Variants in SPHK1 observed in about 807,000 individuals in gnomAD.
The protein encoded by SPHK1 is SK 1.
A neutral mutation model predicts 14.6 loss-of-function variants in SPHK1; 10 were observed. That is an observed-to-expected ratio of 0.68 (90% confidence interval 0.42 to 1.16). SPHK1 has a LOEUF of 1.16. SPHK1 is among the 50% of genes most tolerant of loss of function. The pLI is 0.00. For synonymous variants in SPHK1, 274 were observed against 224.0 expected, an observed-to-expected ratio of 1.22 and a Z score of -1.99; for missense variants, 553 against 525.4, an observed-to-expected ratio of 1.05 and a Z score of -0.51.
At position 76,387,103 on chromosome 17, in the gene SPHK1, C is replaced by T; in HGVS notation, c.672C>T (p.Ala224=). The change falls in exon 6 of 6, where the codon GCC becomes GCT. Residue 224 remains alanine (A), a synonymous_variant. Transcript: ENST00000592299. This position sits in a 1 kb window ranked among gnomAD's most constrained non-coding sequence, Gnocchi z 4.1. ...GAAGAGTGGGTTCCAAGACACCTGC[C>T]TCCCCCGTTGTGGTCCAGCAGGGCC... ...PVGRVGSKTP[A]SPVVVQQGPV... The T allele has an allele frequency of 6.2e-7, 1 of 1,613,332 alleles. No individual in the cohort carries two copies. The highest frequency in any genetic ancestry group is 8.5e-7 in the Non-Finnish European group (1 of 1,180,038).
Position 76,387,520 on chromosome 17 carries a change from C to A in SPHK1, c.1089C>A (p.Ser363Arg). 1 of 1,611,448 alleles carries A rather than the reference C, an allele frequency of 6.2e-7. No individual in the cohort carries two copies. Among genetic ancestry groups the A allele is most frequent in the African/African-American group, 1.3e-5 (1 of 74,922 alleles). ...ACCCAAACTACTTCTGGATGGTCAG[C>A]GGTTGCGTGGAGCCCCCGCCCAGCT... Reference protein sequence around the residue: ...QVHPNYFWMVSGCVEPPPSWK... With the variant: ...QVHPNYFWMVRGCVEPPPSWK... The change falls in exon 6 of 6, where the codon AGC (serine) becomes AGA (arginine). Residue 363 changes from serine to arginine, a missense_variant. Ser to Arg is a moderately radical substitution (Grantham distance 110, BLOSUM62 -1). Coordinates refer to ENST00000592299, the MANE Select transcript of SPHK1 (RefSeq NM_001142601.2). The surrounding 1 kb of genome is among the most constrained non-coding windows in gnomAD (Gnocchi z 4.1).
In SPHK1 at chr17:76,386,488, T is replaced by C. The variant is rs772416030; in HGVS notation, c.354T>C (p.Ala118=). 4.8e-5 allele frequency: 78 copies of C among 1,612,428 alleles called. No individual in the cohort carries two copies. In the African/African-American group the frequency reaches 9.6e-4, roughly 20 times the overall value. ...CAGGCTCTGGCAACGCGCTGGCAGCTTCCTTGAACCATTATGCTGGGTGAG... is the reference window on the plus strand; with the variant it reads ...CAGGCTCTGGCAACGCGCTGGCAGCCTCCTTGAACCATTATGCTGGGTGAG... ...LPAGSGNALA[A]SLNHYAGYEQ... is the part of the protein sequence containing the mutation. The change falls in exon 5 of 6, where the codon GCT becomes GCC. Residue 118 remains alanine, a synonymous_variant. Coordinates refer to ENST00000592299, the MANE Select transcript of SPHK1 (RefSeq NM_001142601.2). This position sits in a 1 kb window ranked among gnomAD's most constrained non-coding sequence, Gnocchi z 5.3.
chr17:76,386,599 A>G lies in SPHK1; in HGVS notation c.374+91A>G. On this transcript the variant is annotated intron_variant, in intron 5 of 5. Transcript: ENST00000592299. This position sits in a 1 kb window ranked among gnomAD's most constrained non-coding sequence, Gnocchi z 5.3. Reference sequence around the variant, plus strand: ...GTCTAAGCTCCCATAGGCTGAGATCATTTCCATTTCCCCTTCTCCCTTAGT... The same window carrying G: ...GTCTAAGCTCCCATAGGCTGAGATCGTTTCCATTTCCCCTTCTCCCTTAGT... 7.6e-7 allele frequency: 1 copy of G among 1,307,778 alleles called. No individual in the cohort carries two copies. The allele number at this position is 1,307,778 out of a possible 1,614,324, so 81.0% of individuals were successfully genotyped here. A position where few individuals can be genotyped will look rare whatever the true frequency, so the allele number is the denominator to read the frequency against.
In SPHK1 at chr17:76,387,792, G is replaced by A; in HGVS notation, c.*206G>A. 3.4e-6 allele frequency: 2 copies of A among 582,142 alleles called. No individual in the cohort carries two copies. The highest frequency in any genetic ancestry group is 5.4e-5 in the South Asian group (2 of 37,224). The allele number at this position is 582,142 out of a possible 1,614,324, so 36.1% of individuals were successfully genotyped here. A position where few individuals can be genotyped will look rare whatever the true frequency, so the allele number is the denominator to read the frequency against. ...TGGCTGGGCCCAGCTGCCTATGTAA[G>A]GCCTTCTAGTTTGTTCTGAGACCCC... On this transcript the variant is annotated 3_prime_UTR_variant, in exon 6 of 6. Transcript: ENST00000592299. The surrounding 1 kb of genome is among the most constrained non-coding windows in gnomAD (Gnocchi z 4.1).
At chr17:76,383,552 G>A (rs1020678714), upstream of SPHK1, 13 of 263,224 alleles carry the variant, frequency 4.9e-5, no homozygotes, top group Admixed American at 2.7e-4. Context: ...GGGTGGGGCC[G>A]GCGGGGGCGC....
Position 76,385,616 on chromosome 17 carries a change from C to G in SPHK1, c.-29C>G. 6.5e-7 allele frequency: 1 copy of G among 1,539,684 alleles called. No individual in the cohort carries two copies. Among genetic ancestry groups the G allele is most frequent in the Non-Finnish European group, 8.7e-7 (1 of 1,148,314 alleles). On this transcript the variant is annotated 5_prime_UTR_variant, in exon 2 of 6. Coordinates refer to ENST00000592299, the MANE Select transcript of SPHK1 (RefSeq NM_001142601.2). This position sits in a 1 kb window ranked among gnomAD's most constrained non-coding sequence, Gnocchi z 5.3. ...AGCGCCCCCACAGCGCCAGGGACCC[C>G]CTGGCAGCGGGAGCCGCGGGTCGAG...
At chr17:76,383,638 T>C (rs892060612), upstream of SPHK1, 13 of 345,286 alleles carry the variant, frequency 3.8e-5, no homozygotes, top group African/African-American at 2.0e-4. Flanking sequence ...CCAATGGGCC[T>C]TGGCAACTTC....
chr17:76,385,347 C>A lies in SPHK1; in HGVS notation c.-194-104C>A. ...CCGGACCTCAGCTCTCTGGACTTCC[C>A]GGGAACCTGGCTCCCCGCGCGTGGT... is the stretch of plus-strand genomic sequence containing the variant. On this transcript the variant is annotated intron_variant, in intron 1 of 5. Transcript: ENST00000592299. This position sits in a 1 kb window ranked among gnomAD's most constrained non-coding sequence, Gnocchi z 5.3. 1 of 1,449,234 alleles carries A rather than the reference C, an allele frequency of 6.9e-7. No individual in the cohort carries two copies. The highest frequency in any genetic ancestry group is 1.4e-5 in the South Asian group (1 of 70,574). 89.8% of individuals were successfully genotyped at this position (1,449,234 alleles called of 1,614,324 possible). A position where few individuals can be genotyped will look rare whatever the true frequency, so the allele number is the denominator to read the frequency against.
rs1301297932 is a variant in SPHK1 at position 76,385,749 on chromosome 17, G to C, written c.10+95G>C. 4.2e-6 allele frequency: 6 copies of C among 1,433,516 alleles called. No individual in the cohort carries two copies. Among genetic ancestry groups the C allele is most frequent in the African/African-American group, 1.4e-5 (1 of 70,864 alleles). 88.8% of individuals were successfully genotyped at this position (1,433,516 alleles called of 1,614,324 possible). ...CAGCTGGACGAAAGGGGCTGTGGAC[G>C]ATCGGGAGAAACATTATCCCTCACG... On this transcript the variant is annotated intron_variant, in intron 2 of 5. Coordinates refer to ENST00000592299, the MANE Select transcript of SPHK1 (RefSeq NM_001142601.2). This position sits in a 1 kb window ranked among gnomAD's most constrained non-coding sequence, Gnocchi z 5.3.
At chr17:76,384,848 G>T (rs1034232447) in intron 1 of SPHK1, 42 bp downstream of exon 1, 1 of 382,236 alleles carries the variant, frequency 2.6e-6, no homozygotes. Flanking sequence ...CGTGGCTCCT[G>T]TGCGGCCCGC....
At chr17:76,384,881 G>A (rs2071933871) in intron 1 of SPHK1, 75 bp downstream of exon 1, 2 of 454,864 alleles carry the variant, frequency 4.4e-6, no homozygotes, top group Non-Finnish European at 7.6e-6. Flanking sequence ...CCGGGAACTG[G>A]GCCACTTGTC....
chr17:76,387,285 T>C lies in SPHK1; in HGVS notation c.854T>C (p.Met285Thr), dbSNP rs151189975. 1 of 1,613,668 alleles carries C rather than the reference T, an allele frequency of 6.2e-7. No homozygotes were observed. Among genetic ancestry groups the C allele is most frequent in the African/African-American group, 1.3e-5 (1 of 75,024 alleles). Reference sequence around the variant, plus strand: ...ATGGGCCGCTGTGCAGCTGGCGTCATGCATCTGTTCTACGTGCGGGCGGGA... The same window carrying C: ...ATGGGCCGCTGTGCAGCTGGCGTCACGCATCTGTTCTACGTGCGGGCGGGA... ...APMGRCAAGVMHLFYVRAGVS... is the reference protein window; with the variant it reads ...APMGRCAAGVTHLFYVRAGVS... Residue 285 changes from methionine to threonine, a missense_variant, in exon 6 of 6, where the codon ATG becomes ACG. Transcript: ENST00000592299. This position sits in a 1 kb window ranked among gnomAD's most constrained non-coding sequence, Gnocchi z 4.1.
At chr17:76,384,953 G>A in intron 1 of SPHK1, 147 bp downstream of exon 1, 1 of 842,542 alleles carries the variant, frequency 1.2e-6, no homozygotes, top group Non-Finnish European at 1.7e-6. Flanking sequence ...GCGCGACCCG[G>A]GAGCGGCTCC....
At chr17:76,383,729 G>T, upstream of SPHK1, 1 of 750,720 alleles carries the variant, frequency 1.3e-6, no homozygotes, top group Non-Finnish European at 2.0e-6. Flanking sequence ...CGCGATAAGT[G>T]TATCACAAAC....
chr17:76,385,567 A>ATTTC lies in SPHK1; in HGVS notation c.-78_-77insTTTC. ...CCTGGGCAGCACCGATAAGGAGCTG[A>ATTTC]AGGCAGGAGCCGCCGCCACGGGCAG... On this transcript the variant is annotated 5_prime_UTR_variant, in exon 2 of 6. Coordinates refer to ENST00000592299, the MANE Select transcript of SPHK1 (RefSeq NM_001142601.2). The surrounding 1 kb of genome is among the most constrained non-coding windows in gnomAD (Gnocchi z 5.3). The ATTTC allele has an allele frequency of 6.5e-7, 1 of 1,539,758 alleles. No homozygotes were observed. Among genetic ancestry groups the ATTTC allele is most frequent in the Non-Finnish European group, 8.7e-7 (1 of 1,149,228 alleles).
rs764634869 is a variant in SPHK1 at position 76,387,070 on chromosome 17, C to T, written c.639C>T (p.Leu213=). 2 of 1,613,466 alleles carry T rather than the reference C, an allele frequency of 1.2e-6. No individual in the cohort carries two copies. Among genetic ancestry groups the T allele is most frequent in the South Asian group, 2.2e-5 (2 of 91,084 alleles). The change falls in exon 6 of 6, where the codon CTC becomes CTT. Residue 213 remains leucine (L), a synonymous_variant. Transcript: ENST00000592299. This position sits in a 1 kb window ranked among gnomAD's most constrained non-coding sequence, Gnocchi z 4.1. ...LRTYRGRLAY[L]PVGRVGSKTP... ...CCTACCGCGGCCGACTGGCCTACCT[C>T]CCTGTAGGAAGAGTGGGTTCCAAGA... is the stretch of plus-strand genomic sequence containing the variant.
chr17:76,385,624 C>T lies in SPHK1; in HGVS notation c.-21C>T. ...CACAGCGCCAGGGACCCCCTGGCAG[C>T]GGGAGCCGCGGGTCGAGGTTATGGA... On this transcript the variant is annotated 5_prime_UTR_variant, in exon 2 of 6. Coordinates refer to ENST00000592299, the MANE Select transcript of SPHK1 (RefSeq NM_001142601.2). The surrounding 1 kb of genome is among the most constrained non-coding windows in gnomAD (Gnocchi z 5.3). The T allele has an allele frequency of 6.5e-7, 1 of 1,538,148 alleles. No homozygotes were observed. Among genetic ancestry groups the T allele is most frequent in the Non-Finnish European group, 8.7e-7 (1 of 1,147,544 alleles).
chr17:76,386,085 C>T lies in SPHK1; in HGVS notation c.111C>T (p.His37=), dbSNP rs1024037702. 4.4e-6 allele frequency: 7 copies of T among 1,604,738 alleles called. No individual in the cohort carries two copies. The highest frequency in any genetic ancestry group is 6.0e-6 in the Non-Finnish European group (7 of 1,174,970). The change falls in exon 3 of 6, where the codon CAC becomes CAT. Residue 37 remains histidine (H), a synonymous_variant. Transcript: ENST00000592299. The surrounding 1 kb of genome is among the most constrained non-coding windows in gnomAD (Gnocchi z 5.3). ...KGKALQLFRS[H]VQPLLAEAEI... ...AGGCCTTGCAGCTCTTCCGGAGTCA[C>T]GTGCAGCCCCTTTTGGCTGAGGCTG...
In SPHK1 at chr17:76,384,806, G is replaced by C; in HGVS notation, c.-195G>C. The C allele has an allele frequency of 3.4e-6, 1 of 298,486 alleles. No homozygotes were observed. Among genetic ancestry groups the C allele is most frequent in the Non-Finnish European group, 6.2e-6 (1 of 161,776 alleles). 18.5% of individuals were successfully genotyped at this position (298,486 alleles called of 1,614,324 possible). A position where few individuals can be genotyped will look rare whatever the true frequency, so the allele number is the denominator to read the frequency against. ...CCTCCCCAGCAAACCGGACCGACTGGGTAGGGCCGCCCACCCTGCCTTCGC... is the reference window on the plus strand; with the variant it reads ...CCTCCCCAGCAAACCGGACCGACTGCGTAGGGCCGCCCACCCTGCCTTCGC... On this transcript the variant is annotated splice_region_variant and 5_prime_UTR_variant, in exon 1 of 6. Transcript: ENST00000592299.
Sources: allele counts gnomAD v4.1 joint callset, GRCh38; gene constraint gnomAD v4.1.1; non-coding constraint Gnocchi (gnomAD v3.1); transcripts MANE v1.5; gene names NCBI Gene and HGNC (gene_info 2026-07-23, HGNC 2026-07-21).